Variants in PRDM15 observed in about 807,000 individuals in gnomAD.
PRDM15 encodes the protein PR domain zinc finger protein 15.
In PRDM15, 64 loss-of-function variants were observed where a neutral mutation model predicts 128.6. That is an observed-to-expected ratio of 0.50 (90% confidence interval 0.41 to 0.61). The LOEUF is 0.61. PRDM15 is among the 20% of genes least tolerant of loss of function. The probability of loss-of-function intolerance (pLI) is 0.00; values close to 1 mark genes in which losing one functional copy is unlikely to be tolerated. For synonymous variants in PRDM15, 615 were observed against 621.8 expected, an observed-to-expected ratio of 0.99 and a Z score of 0.16; for missense variants, 1,242 against 1,569.1, an observed-to-expected ratio of 0.79 and a Z score of 3.52.
chr21:41,814,376 C>A (rs1161411757), intron 19 of PRDM15: 2 of 49,394 alleles, frequency 4.0e-5, no homozygotes, highest in African/African-American at 9.6e-5. Flanking sequence ...TTAGTGATTG[C>A]GCAGGGTGCT....
rs1366760703 is a variant in PRDM15, at chr21:41,810,916, C to T, written c.2393-80G>A. ...ATCAGGGCATGTCTTCTCCCTGACACGTTCCAGGCACTGTAGGGCCTTCAG... is the reference window on the plus strand; with the variant it reads ...ATCAGGGCATGTCTTCTCCCTGACATGTTCCAGGCACTGTAGGGCCTTCAG... On this transcript the variant is annotated intron_variant, in intron 19 of 23. Transcript: ENST00000398548. This position sits in a 1 kb window ranked among gnomAD's most constrained non-coding sequence, Gnocchi z 6.4. The T allele has an allele frequency of 1.7e-5, 22 of 1,272,068 alleles. No individual in the cohort carries two copies. The highest frequency in any genetic ancestry group is 4.7e-5 in the East Asian group (2 of 43,006). The allele number at this position is 1,272,068 out of a possible 1,614,324, so 78.8% of individuals were successfully genotyped here. A position where few individuals can be genotyped will look rare whatever the true frequency, so the allele number is the denominator to read the frequency against.
At chr21:41,868,929 C>T (rs954602682) in intron 1 of PRDM15, among the ~76,000 whole-genome samples, 5 of 152,086 alleles carry the variant, frequency 3.3e-5, no homozygotes, top group African/African-American at 1.2e-4. Context: ...ACCTCGTGAT[C>T]CACCCGCCTC....
At position 41,810,587 on chromosome 21, in the gene PRDM15, G is replaced by A. The variant is rs1240447442; in HGVS notation, c.2476+166C>T. 9 of 647,402 alleles carry A rather than the reference G, an allele frequency of 1.4e-5. No individual in the cohort carries two copies. The highest frequency in any genetic ancestry group is 4.1e-4 in the Middle Eastern group (1 of 2,448). The allele number at this position is 647,402 out of a possible 1,614,324, so 40.1% of individuals were successfully genotyped here. ...AGAAGGGATACTTGAAAGCTGTGGC[G>A]GGTTGACCTTCAGAGGCCAAGGGGC... On this transcript the variant is annotated intron_variant, in intron 20 of 23. Coordinates refer to ENST00000398548, the MANE Select transcript of PRDM15 (RefSeq NM_001040424.3). The surrounding 1 kb of genome is among the most constrained non-coding windows in gnomAD (Gnocchi z 6.4).
intron 6 of PRDM15, among the ~76,000 whole-genome samples, chr21:41,841,985 G>A (rs1245547632): frequency 6.6e-6 from 1 of 152,168 alleles, no homozygotes; most frequent in East Asian, 1.9e-4. Flanking sequence ...AAAATCATCT[G>A]AAATGCTTAC....
intron 1 of PRDM15, among the ~76,000 whole-genome samples, chr21:41,870,204 T>C (rs2064162707): frequency 1.3e-5 from 2 of 152,186 alleles, no homozygotes; most frequent in Admixed American, 1.3e-4. Flanking sequence ...ATTAATCCAG[T>C]ACACCCAAAA....
chr21:41,838,324 A>G (rs1488583604), intron 7 of PRDM15, among the ~76,000 whole-genome samples: 1 of 152,270 alleles, frequency 6.6e-6, no homozygotes, highest in East Asian at 1.9e-4. Flanking sequence ...CCACAACATC[A>G]TAACATTACT....
At chr21:41,826,496 T>C (rs887541851) in intron 12 of PRDM15, among the ~76,000 whole-genome samples, 34 of 152,220 alleles carry the variant, frequency 2.2e-4, no homozygotes, top group African/African-American at 8.0e-4. Flanking sequence ...TATTCATCTC[T>C]CGCAAATTAA....
rs2062953362 is a variant in PRDM15, at chr21:41,838,015, C to T, written c.920G>A (p.Ser307Asn). 1.2e-6 allele frequency: 2 copies of T among 1,614,186 alleles called. No homozygotes were observed. Among genetic ancestry groups the T allele is most frequent in the Non-Finnish European group, 1.7e-6 (2 of 1,180,006 alleles). Residue 307 changes from serine (S) to asparagine (N), a missense_variant, in exon 8 of 24, where the codon AGT becomes AAT. Coordinates refer to ENST00000398548, the MANE Select transcript of PRDM15 (RefSeq NM_001040424.3). ...CATGATCCGCTCATCTGGCGTTGCA[C>T]TCACAGGCTCATCCGGAGGGACCTC... ...ITEVPPDEPV[S>N]ATPDERIMEL...
rs1020531028 is a variant in PRDM15, at chr21:41,799,291, G to A, written c.*1949C>T. 1.3e-5 allele frequency: 2 copies of A among 152,168 alleles called. No individual in the cohort carries two copies. The highest frequency in any genetic ancestry group is 2.9e-5 in the Non-Finnish European group (2 of 68,044). 9.4% of individuals were successfully genotyped at this position (152,168 alleles called of 1,614,324 possible). ...ACTGATTTTTAAAAATATATCTTAG[G>A]AGCCCTGGTCTCCTGCTGATTCCAT... is the stretch of plus-strand genomic sequence containing the variant. On this transcript the variant is annotated 3_prime_UTR_variant, in exon 24 of 24. Coordinates refer to ENST00000398548, the MANE Select transcript of PRDM15 (RefSeq NM_001040424.3).
rs1568880335 is a variant in PRDM15, at chr21:41,806,072, C to T, written c.2653-1458G>A. On this transcript the variant is annotated intron_variant, in intron 21 of 23. Coordinates refer to ENST00000398548, the MANE Select transcript of PRDM15 (RefSeq NM_001040424.3). The stretch of plus-strand genomic sequence containing the variant: ...ACCACCACCACCATCACCATCACCA[C>T]CACCATCACCACCACCACCATCACC... Among the ~76,000 whole-genome samples the T allele has an allele frequency of 9.2e-3, 833 of 90,174 alleles. 3 individuals are homozygous for T. The highest frequency in any genetic ancestry group is 0.021 in the Middle Eastern group (3 of 140). The allele number at this position is 90,174 out of a possible 152,430, so 59.2% of individuals were successfully genotyped here.
chr21:41,836,655 C>G lies in PRDM15; in HGVS notation c.1002-6G>C. Reference sequence around the variant, plus strand: ...TATTCTGATGATGGGTGAACCTGCCCAGGGACGTCAATAAGTTGGGAAAAG... The same window carrying G: ...TATTCTGATGATGGGTGAACCTGCCGAGGGACGTCAATAAGTTGGGAAAAG... On this transcript the variant is annotated splice_region_variant and splice_polypyrimidine_tract_variant and intron_variant, in intron 8 of 23. Transcript: ENST00000398548. The G allele has an allele frequency of 1.3e-6, 2 of 1,584,280 alleles. No individual in the cohort carries two copies. Among genetic ancestry groups the G allele is most frequent in the Non-Finnish European group, 1.7e-6 (2 of 1,157,314 alleles).
At chr21:41,870,191 T>A (rs1045556606) in intron 1 of PRDM15, among the ~76,000 whole-genome samples, 1 of 152,246 alleles carries the variant, frequency 6.6e-6, no homozygotes, top group African/African-American at 2.4e-5. Context: ...TTAGTAACAT[T>A]TTATTAATCC....
chr21:41,831,838 C>A (rs951724009), intron 11 of PRDM15, among the ~76,000 whole-genome samples: 2 of 152,208 alleles, frequency 1.3e-5, no homozygotes, highest in African/African-American at 4.8e-5. Context: ...CCACATCCCA[C>A]CCCACCTGCA....
In PRDM15 at chr21:41,822,995, A is replaced by T. The variant is rs1231469622; in HGVS notation, c.1761+323T>A. On this transcript the variant is annotated intron_variant, in intron 14 of 23. Coordinates refer to ENST00000398548, the MANE Select transcript of PRDM15 (RefSeq NM_001040424.3). ...GGATGCAGTAAGATCTTGCCATTGT[A>T]CTCCAGCCTGGGCGACAGAACGAGA... Among the ~76,000 whole-genome samples the T allele has an allele frequency of 2.0e-5, 3 of 147,836 alleles. No individual in the cohort carries two copies. The East Asian group carries it at 6.0e-4, about 29-fold the overall frequency.
rs1037699989 is a variant in PRDM15 at position 41,865,848 on chromosome 21, G to A, written c.-9-5476C>T. On this transcript the variant is annotated intron_variant, in intron 1 of 23. Transcript: ENST00000398548. ...TAGCCTCAAACTCGTGACCTCCTGC[G>A]ATCCTCCAGCTTCAGCCTCTCAAGT... Among the ~76,000 whole-genome samples, 5 of 152,042 alleles carry A rather than the reference G, an allele frequency of 3.3e-5. No homozygotes were observed. In the East Asian group the frequency reaches 5.8e-4, roughly 18 times the overall value.
intron 1 of PRDM15, among the ~76,000 whole-genome samples, chr21:41,875,312 C>A (rs774421337): frequency 6.6e-6 from 1 of 152,280 alleles, no homozygotes; most frequent in Non-Finnish European, 1.5e-5. Flanking sequence ...GGCATCCTGG[C>A]GGCCCCTCGC....
rs1706972327 is a variant in PRDM15 at position 41,810,395 on chromosome 21, C to G, written c.2477-66G>C. The G allele has an allele frequency of 2.0e-6, 3 of 1,528,242 alleles. No individual in the cohort carries two copies. The highest frequency in any genetic ancestry group is 1.8e-5 in the Admixed American group (1 of 54,822). 94.7% of individuals were successfully genotyped at this position (1,528,242 alleles called of 1,614,324 possible). On this transcript the variant is annotated intron_variant, in intron 20 of 23. Coordinates refer to ENST00000398548, the MANE Select transcript of PRDM15 (RefSeq NM_001040424.3). This position sits in a 1 kb window ranked among gnomAD's most constrained non-coding sequence, Gnocchi z 6.4. The stretch of plus-strand genomic sequence containing the variant: ...AGAGACACGCAGGTCACTAGTGCAG[C>G]CATCCCAATGACCCTGGCCTGCTGG...
chr21:41,805,541 C>G (rs1326253985), intron 21 of PRDM15, among the ~76,000 whole-genome samples: 1 of 152,106 alleles, frequency 6.6e-6, no homozygotes, highest in Admixed American at 6.5e-5. Flanking sequence ...AGATGGCAAA[C>G]AAAGGCTGGT....
intron 21 of PRDM15, among the ~76,000 whole-genome samples, chr21:41,807,811 G>A (rs1190352701): frequency 2.0e-5 from 3 of 152,258 alleles, no homozygotes; most frequent in Admixed American, 1.3e-4. Flanking sequence ...GAACAAAGAC[G>A]GACAAAATCC....
Sources: allele counts gnomAD v4.1 joint callset (sites outside exome capture counted in the v4.1 genomes callset), GRCh38; gene constraint gnomAD v4.1.1; non-coding constraint Gnocchi (gnomAD v3.1); transcripts MANE v1.5; gene names NCBI Gene and HGNC (gene_info 2026-07-23, HGNC 2026-07-21).